Variants in SGK1 observed in about 807,000 individuals in gnomAD.
The protein encoded by SGK1 is serum/glucocorticoid regulated kinase 1.
SGK1 carries 26 observed loss-of-function variants against 64.2 expected under a neutral mutation model. The ratio of observed to expected loss-of-function variants is 0.40; its 90% CI spans 0.30 to 0.56. SGK1 has a LOEUF of 0.56. Among genes scored for constraint, SGK1 ranks in the 20% least tolerant of loss-of-function variants. SGK1 has a pLI of 0.38. For synonymous variants in SGK1, 265 were observed against 239.7 expected (o/e 1.11, Z -0.98); for missense variants, 519 against 645.6 (o/e 0.80, Z 2.12).
chr6:134,236,552 T>C (rs190846357), intron 2 of SGK1, among the ~76,000 whole-genome samples: 1 of 152,092 alleles, frequency 6.6e-6, no homozygotes, highest in African/African-American at 2.4e-5. Context: ...ACCTGAGTCT[T>C]TGAGGTTGAG....
At chr6:134,270,580 G>A (rs918056930) in intron 1 of SGK1, among the ~76,000 whole-genome samples, 7 of 148,198 alleles carry the variant, frequency 4.7e-5, no homozygotes, top group Non-Finnish European at 7.5e-5. Flanking sequence ...AAGATGGAGT[G>A]ACTTTTAGAA....
intron 2 of SGK1, among the ~76,000 whole-genome samples, chr6:134,227,279 C>T (rs571298433): frequency 2.0e-5 from 3 of 152,240 alleles, no homozygotes; most frequent in South Asian, 2.1e-4. Context: ...GGATTACAGG[C>T]GTCCACTACC....
intron 1 of SGK1, among the ~76,000 whole-genome samples, chr6:134,292,454 G>A (rs1195343711): frequency 2.6e-5 from 4 of 152,136 alleles, no homozygotes; most frequent in Admixed American, 6.5e-5. Context: ...CTAGCTGGGG[G>A]TGGTGGCTGG....
intron 2 of SGK1, among the ~76,000 whole-genome samples, chr6:134,217,241 A>C (rs1306328203): frequency 6.6e-6 from 1 of 152,176 alleles, no homozygotes; most frequent in Non-Finnish European, 1.5e-5. Context: ...AGATGGGGGA[A>C]TCCAAAACAT....
chr6:134,252,564 A>T (rs574194126), intron 2 of SGK1, among the ~76,000 whole-genome samples: 10 of 140,734 alleles, frequency 7.1e-5, no homozygotes, highest in African/African-American at 2.6e-4. Flanking sequence ...TTTAAAAAAA[A>T]ATTGATTGCG....
chr6:134,208,126 G>T (rs977472989), intron 2 of SGK1, among the ~76,000 whole-genome samples: 3 of 152,100 alleles, frequency 2.0e-5, no homozygotes, highest in Non-Finnish European at 2.9e-5. Flanking sequence ...TGCCCAGGCT[G>T]GTCTCGAACT....
chr6:134,267,510 C>A (rs1582752891), intron 1 of SGK1, among the ~76,000 whole-genome samples: 1 of 152,040 alleles, frequency 6.6e-6, no homozygotes, highest in East Asian at 1.9e-4. Flanking sequence ...CCAGGCTGGT[C>A]TTGAACTCCT....
intron 3 of SGK1, among the ~76,000 whole-genome samples, chr6:134,183,197 T>C (rs1775357906): frequency 6.6e-6 from 1 of 152,212 alleles, no homozygotes; most frequent in African/African-American, 2.4e-5. Flanking sequence ...TTGATGAACA[T>C]ATTTTGGGGT....
intron 2 of SGK1, among the ~76,000 whole-genome samples, chr6:134,227,775 A>G (rs963114350): frequency 3.9e-5 from 6 of 152,162 alleles, no homozygotes; most frequent in African/African-American, 1.2e-4. Flanking sequence ...TTGACTCCAA[A>G]TACGCACGTA....
intron 2 of SGK1, among the ~76,000 whole-genome samples, chr6:134,243,645 A>G (rs928222614): frequency 6.6e-5 from 10 of 152,224 alleles, no homozygotes; most frequent in Non-Finnish European, 1.3e-4. Context: ...CTGGGATTAC[A>G]GGCACGAGCC....
At chr6:134,185,645 A>G (rs954408667) in intron 3 of SGK1, among the ~76,000 whole-genome samples, 2 of 151,996 alleles carry the variant, frequency 1.3e-5, no homozygotes, top group Non-Finnish European at 2.9e-5. Context: ...AGACAGAGAA[A>G]GAGATGGAGA....
chr6:134,296,775 CCA>C (rs1777354458), intron 1 of SGK1, among the ~76,000 whole-genome samples: 1 of 91,390 alleles, frequency 1.1e-5, no homozygotes, highest in Admixed American at 1.2e-4. Flanking sequence ...TTATTTTGGA[CCA>C]AAAAAAAAAA....
In SGK1 at chr6:134,269,916, TTC is replaced by T. The variant is rs201822447; in HGVS notation, c.70-7770_70-7769del. ...TATGTCATCATCATGTATCTGTCTT[TTC>T]TCTCTCTCTTTTTTTTTTTTGAGAC... On this transcript the variant is annotated intron_variant, in intron 1 of 13. Transcript: ENST00000367858. Among the ~76,000 whole-genome samples, 2 of 147,356 alleles carry T rather than the reference TTC, an allele frequency of 1.4e-5. 1 individual carries two copies. Among genetic ancestry groups the T allele is most frequent in the Non-Finnish European group, 3.0e-5 (2 of 66,656 alleles).
At chr6:134,176,818 C>T (rs937700522) in intron 3 of SGK1, among the ~76,000 whole-genome samples, 21 of 152,222 alleles carry the variant, frequency 1.4e-4, no homozygotes, top group African/African-American at 5.1e-4. Context: ...GTCTCAACTC[C>T]TTGGTTTGCT....
chr6:134,284,110 C>T (rs932667821), intron 1 of SGK1, among the ~76,000 whole-genome samples: 5 of 151,760 alleles, frequency 3.3e-5, no homozygotes, highest in Non-Finnish European at 5.9e-5. Flanking sequence ...TGTTTGTTTT[C>T]GAGATGGAGT....
intron 1 of SGK1, among the ~76,000 whole-genome samples, chr6:134,277,202 A>T (rs1260006053): frequency 6.6e-6 from 1 of 152,016 alleles, no homozygotes; most frequent in African/African-American, 2.4e-5. Flanking sequence ...GGTGCCTTTA[A>T]TCCCAGCTAC....
intron 3 of SGK1, among the ~76,000 whole-genome samples, chr6:134,205,562 T>C (rs984252305): frequency 2.6e-4 from 39 of 152,232 alleles, no homozygotes; most frequent in African/African-American, 9.2e-4. Flanking sequence ...CTGTTTCTGC[T>C]AGGAGAGCTG....
chr6:134,249,096 A>T (rs1776568102), intron 2 of SGK1, among the ~76,000 whole-genome samples: 1 of 152,186 alleles, frequency 6.6e-6, no homozygotes, highest in African/African-American at 2.4e-5. Context: ...CAGAAGAAGA[A>T]TCAAGCGTAT....
Position 134,170,237 on chromosome 6 carries a change from A to C in SGK1, c.*31T>G. 6.4e-7 allele frequency: 1 copy of C among 1,564,128 alleles called. No individual in the cohort carries two copies. The highest frequency in any genetic ancestry group is 2.3e-5 in the East Asian group (1 of 44,068). On this transcript the variant is annotated 3_prime_UTR_variant, in exon 14 of 14. Coordinates refer to ENST00000367858, the MANE Select transcript of SGK1 (RefSeq NM_001143676.3). ...AACTAAAACATTCGGAAACACACAT[A>C]AAATCCTTTAAAACCAAGCCCTAAC...
Sources: gnomAD v4.1 joint callset for allele counts (sites outside exome capture counted in the v4.1 genomes callset) on GRCh38, gnomAD v4.1.1 for gene constraint, MANE v1.5 for transcripts, NCBI Gene and HGNC (gene_info 2026-07-23, HGNC 2026-07-21) for gene names.